The following PPP6R2 variants were observed in gnomAD, a reference collection of about 807,000 sequenced individuals.
PPP6R2 encodes the protein serine/threonine-protein phosphatase 6 regulatory subunit 2.
PPP6R2 carries 62 observed loss-of-function variants against 100.2 expected under a neutral mutation model. That is an observed-to-expected ratio of 0.62 (90% CI 0.50 to 0.76). The LOEUF (loss-of-function observed/expected upper bound fraction) is 0.76. Ranked by LOEUF, PPP6R2 falls within the 30% of genes least tolerant of loss-of-function variation. PPP6R2 has a pLI of 0.00. For missense variants in PPP6R2, 1,142 were observed against 1,276.3 expected (o/e 0.89, Z 1.60); for synonymous variants, 525 against 514.7 (o/e 1.02, Z -0.27).
intron 3 of PPP6R2, among the ~76,000 whole-genome samples, chr22:50,399,108 G>A (rs766124656): frequency 2.0e-5 from 3 of 152,148 alleles, no homozygotes; most frequent in East Asian, 1.9e-4. Context: ...TTAGCCAGGC[G>A]TGGTGGCCGG....
intron 1 of PPP6R2, among the ~76,000 whole-genome samples, chr22:50,347,257 C>T (rs1321411693): frequency 6.6e-6 from 1 of 151,942 alleles, no homozygotes; most frequent in Non-Finnish European, 1.5e-5. Flanking sequence ...TGTTAGTGAC[C>T]CCACCTGTCA....
chr22:50,404,236 A>G (rs187222328), intron 3 of PPP6R2, among the ~76,000 whole-genome samples: 2,485 of 150,932 alleles, frequency 0.016, 70 homozygotes, highest in African/African-American at 0.057. Context: ...CTGGCATTAC[A>G]GGCGCCCACC....
At chr22:50,441,118 T>TGAGGC (rs1210254828) in intron 22 of PPP6R2, 92 bp downstream of exon 22, 1 of 1,150,842 alleles carries the variant, frequency 8.7e-7, no homozygotes, top group African/African-American at 1.6e-5. Flanking sequence ...TGAGAGGAGG[T>TGAGGC]GAGGCCAGGC....
At position 50,437,176 on chromosome 22, in the gene PPP6R2, G is replaced by GC. The variant is rs1344559143; in HGVS notation, c.1683+109dup. ...GATGGCATCTCACTAGCAAAGGGGA[G>GC]CGGGGGCTCGTCTCCGAGCACGTAT... On this transcript the variant is annotated intron_variant, in intron 15 of 23. Transcript: ENST00000612753. 4 of 1,139,974 alleles carry GC rather than the reference G, an allele frequency of 3.5e-6. No homozygotes were observed. In the African/African-American group the frequency reaches 4.6e-5, roughly 13 times the overall value. The allele number at this position is 1,139,974 out of a possible 1,614,324, so 70.6% of individuals were successfully genotyped here.
chr22:50,421,092 C>T (rs577243974), intron 8 of PPP6R2, among the ~76,000 whole-genome samples: 2 of 152,252 alleles, frequency 1.3e-5, no homozygotes, highest in South Asian at 2.1e-4. Flanking sequence ...CTCTTTCTCT[C>T]TCTCTCTCTC....
intron 1 of PPP6R2, among the ~76,000 whole-genome samples, chr22:50,371,096 A>C (rs916322786): frequency 5.9e-5 from 9 of 152,220 alleles, no homozygotes; most frequent in African/African-American, 2.2e-4. Context: ...GAAGGACTTC[A>C]TACCTGACAA....
At chr22:50,333,103 C>T in the PPP6R2 span, among the ~76,000 whole-genome samples, 10 of 152,108 alleles carry the variant, frequency 6.6e-5, no homozygotes, top group Admixed American at 2.0e-4. Context: ...CGCACCAGTG[C>T]ACTCCAGCCT....
At chr22:50,340,972 G>A (rs2042364134), upstream of PPP6R2, among the ~76,000 whole-genome samples, 1 of 152,048 alleles carries the variant, frequency 6.6e-6, no homozygotes, top group African/African-American at 2.4e-5. Flanking sequence ...GTGCAGTGAC[G>A]TGATCTTGGC....
intron 3 of PPP6R2, among the ~76,000 whole-genome samples, chr22:50,403,645 T>A (rs7290829): frequency 0.34 from 51,159 of 152,044 alleles, 9,561 homozygotes; most frequent in East Asian, 0.74. Flanking sequence ...ACATCCAGCT[T>A]GCAGTGCCCC....
intron 3 of PPP6R2, among the ~76,000 whole-genome samples, chr22:50,396,002 C>G (rs936519130): frequency 4.0e-5 from 6 of 150,658 alleles, no homozygotes; most frequent in South Asian, 2.1e-4. Context: ...CGAAACCAGC[C>G]TGGCCAACAT....
chr22:50,388,072 C>T (rs1302300827), intron 2 of PPP6R2, among the ~76,000 whole-genome samples: 1 of 152,028 alleles, frequency 6.6e-6, no homozygotes, highest in Non-Finnish European at 1.5e-5. Flanking sequence ...GCTGTAATCC[C>T]AGCACCTTGG....
chr22:50,374,723 T>G (rs1175451893), intron 2 of PPP6R2, among the ~76,000 whole-genome samples: 10 of 151,974 alleles, frequency 6.6e-5, no homozygotes, highest in Admixed American at 6.6e-4. Context: ...AGACCATCTT[T>G]GCTAATACGG....
At chr22:50,370,604 A>G (rs2049947088) in intron 1 of PPP6R2, among the ~76,000 whole-genome samples, 2 of 150,160 alleles carry the variant, frequency 1.3e-5, no homozygotes, top group East Asian at 2.0e-4. Flanking sequence ...GTTTTAAAGA[A>G]AAAAGTTTAA....
Position 50,440,841 on chromosome 22 carries a change from T to A in PPP6R2, c.2394T>A (p.Cys798Ter). The stretch of plus-strand genomic sequence containing the variant: ...TTGCAGTCAGCCCGGCTTCTCCATG[T>A]GCCTGGAACGTGTGTGTCACCAGGA... ...PEKAFSPASP[C>*]AWNVCVTRKA... Residue 798 changes from cysteine (C) to a stop codon, truncating the protein, a stop_gained, in exon 22 of 24, where the codon TGT (cysteine) becomes TGA (stop). Transcript: ENST00000612753. LOFTEE classifies it high-confidence loss of function. The A allele has an allele frequency of 6.2e-7, 1 of 1,613,640 alleles. No individual in the cohort carries two copies. Among genetic ancestry groups the A allele is most frequent in the Non-Finnish European group, 8.5e-7 (1 of 1,179,988 alleles).
intron 18 of PPP6R2, 121 bp from the exon 19 acceptor site, chr22:50,438,478 C>T (rs1237229325): frequency 2.8e-5 from 40 of 1,428,920 alleles, no homozygotes; most frequent in South Asian, 5.3e-5. Context: ...TGGAGCGTCT[C>T]GTGCTCCTCT....
chr22:50,428,911 G>A (rs1413232020), intron 10 of PPP6R2, among the ~76,000 whole-genome samples: 1 of 152,146 alleles, frequency 6.6e-6, no homozygotes, highest in Non-Finnish European at 1.5e-5. Flanking sequence ...TCTTAGAGAA[G>A]CTTTCAGTCT....
upstream of PPP6R2, among the ~76,000 whole-genome samples, chr22:50,338,918 GTGTGGTA>G (rs2042335637): frequency 7.3e-6 from 1 of 136,056 alleles, no homozygotes; most frequent in African/African-American, 2.8e-5. Flanking sequence ...GTGGTAGTGT[GTGTGGTA>G]TGTGGTGTGT....
chr22:50,416,037 T>G, intron 5 of PPP6R2, 55 bp from the exon 6 acceptor site: 1 of 1,507,282 alleles, frequency 6.6e-7, no homozygotes, highest in Non-Finnish European at 9.2e-7. Flanking sequence ...GAAAGGTTCC[T>G]GTTGTTTACT....
At chr22:50,338,462 GTGTGTGTT>G (rs1216607917), upstream of PPP6R2, among the ~76,000 whole-genome samples, 4 of 101,412 alleles carry the variant, frequency 3.9e-5, no homozygotes, top group East Asian at 1.1e-3. Context: ...GTGGTATGTA[GTGTGTGTT>G]ATGTGTGTGT....
Sources: gnomAD v4.1 joint callset for allele counts (sites outside exome capture counted in the v4.1 genomes callset) on GRCh38, gnomAD v4.1.1 for gene constraint, MANE v1.5 for transcripts, NCBI Gene and HGNC (gene_info 2026-07-23, HGNC 2026-07-21) for gene names.